The following AMBRA1 variants were observed in gnomAD, a reference collection of about 807,000 sequenced individuals.
AMBRA1 encodes autophagy and beclin 1 regulator 1, also known as activating molecule in BECN1-regulated autophagy protein 1.
In AMBRA1, 47 loss-of-function variants were observed where a neutral mutation model predicts 125.4. The ratio of observed to expected loss-of-function variants is 0.37; its 90% CI spans 0.30 to 0.48. The LOEUF (loss-of-function observed/expected upper bound fraction) is 0.48. Ranked by LOEUF, AMBRA1 falls within the 20% of genes least tolerant of loss-of-function variation. The pLI, the probability that AMBRA1 is intolerant of heterozygous loss-of-function variation, is 0.99. For synonymous variants in AMBRA1, 626 were observed against 655.5 expected, an observed-to-expected ratio of 0.95 and a Z score of 0.69; for missense variants, 1,331 against 1,693.4, an observed-to-expected ratio of 0.79 and a Z score of 3.76.
intron 7 of AMBRA1, among the ~76,000 whole-genome samples, chr11:46,531,571 C>G (rs1376798866): frequency 1.3e-5 from 2 of 151,926 alleles, no homozygotes; most frequent in East Asian, 3.9e-4. Context: ...TTAGCCAGGC[C>G]TGGTGGTGGG....
At chr11:46,485,402 A>G (rs1409288855) in intron 11 of AMBRA1, among the ~76,000 whole-genome samples, 1 of 152,232 alleles carries the variant, frequency 6.6e-6, no homozygotes, top group Non-Finnish European at 1.5e-5. Context: ...TGTACGAAAG[A>G]CAAACTGGAC....
At chr11:46,485,998 A>C (rs1198005256) in intron 11 of AMBRA1, among the ~76,000 whole-genome samples, 2 of 152,220 alleles carry the variant, frequency 1.3e-5, no homozygotes, top group African/African-American at 2.4e-5. Flanking sequence ...GGGAAGGCTG[A>C]GTTCTCTGGG....
chr11:46,568,146 T>C (rs2043604109), intron 1 of AMBRA1, among the ~76,000 whole-genome samples: 2 of 149,770 alleles, frequency 1.3e-5, no homozygotes, highest in Non-Finnish European at 3.0e-5. Context: ...AGACTCTGTC[T>C]TAAAAAAATA....
chr11:46,583,732 G>A (rs149747817), intron 1 of AMBRA1, among the ~76,000 whole-genome samples: 1 of 146,822 alleles, frequency 6.8e-6, no homozygotes, highest in Admixed American at 6.9e-5. Context: ...AGACACTTCT[G>A]AAAAGAAGAC....
intron 1 of AMBRA1, among the ~76,000 whole-genome samples, chr11:46,587,276 A>C (rs991185181): frequency 5.9e-5 from 9 of 152,122 alleles, no homozygotes; most frequent in Non-Finnish European, 1.2e-4. Context: ...GCTACTCGGG[A>C]GGCTGAGGCA....
intron 7 of AMBRA1, among the ~76,000 whole-genome samples, chr11:46,525,977 G>T (rs565666786): frequency 1.3e-5 from 2 of 151,610 alleles, no homozygotes; most frequent in Non-Finnish European, 2.9e-5. Context: ...AGGTCAAGGC[G>T]GACAGATCAC....
rs1157368065 is a variant in AMBRA1 at position 46,585,665 on chromosome 11, C to CAAA, written c.-121+8160_-121+8162dup. On this transcript the variant is annotated intron_variant, in intron 1 of 17. Coordinates refer to ENST00000683756, the MANE Select transcript of AMBRA1 (RefSeq NM_001387011.1). The stretch of plus-strand genomic sequence containing the variant: ...TGGGTGACAGAGCAAGACTCCATCT[C>CAAA]AAAAAAAAAAAAAAAAAAAAAAAAA... Among the ~76,000 whole-genome samples the CAAA allele has an allele frequency of 2.5e-3, 19 of 7,600 alleles. 3 individuals are homozygous for CAAA. The highest frequency in any genetic ancestry group is 2.7e-3 in the Non-Finnish European group (13 of 4,770). The allele number at this position is 7,600 out of a possible 152,430, so 5.0% of individuals were successfully genotyped here.
chr11:46,494,774 T>C (rs1176968898), intron 9 of AMBRA1: 2 of 152,890 alleles, frequency 1.3e-5, no homozygotes, highest in East Asian at 1.9e-4. Context: ...AGACTGTCAA[T>C]GGTGAAGAAT....
chr11:46,434,808 C>G, intron 13 of AMBRA1, 41 bp downstream of exon 13: 1 of 1,534,560 alleles, frequency 6.5e-7, no homozygotes, highest in Non-Finnish European at 8.8e-7. Context: ...GCCAAGGCAC[C>G]AGCGTCCCTC....
chr11:46,457,165 C>T (rs1196883918), intron 11 of AMBRA1, among the ~76,000 whole-genome samples: 1 of 152,174 alleles, frequency 6.6e-6, no homozygotes, highest in Non-Finnish European at 1.5e-5. Context: ...CAGGCCTGCT[C>T]CCAGCGAAGA....
At chr11:46,513,157 C>CA in intron 7 of AMBRA1, among the ~76,000 whole-genome samples, 1 of 152,284 alleles carries the variant, frequency 6.6e-6, no homozygotes, top group South Asian at 2.1e-4. Flanking sequence ...TAGGCACACA[C>CA]AGAGATTATC....
At chr11:46,440,079 C>T (rs1290799105) in intron 12 of AMBRA1, among the ~76,000 whole-genome samples, 1 of 152,122 alleles carries the variant, frequency 6.6e-6, no homozygotes, top group Non-Finnish European at 1.5e-5. Context: ...ACTCTTCCCC[C>T]CTGCAATTCC....
chr11:46,401,160 C>G (rs557092496), intron 17 of AMBRA1, among the ~76,000 whole-genome samples: 4 of 152,180 alleles, frequency 2.6e-5, no homozygotes, highest in African/African-American at 9.7e-5. Flanking sequence ...CTGAAGCCCT[C>G]GCAGCATGGT....
At chr11:46,476,226 T>C (rs1391890549) in intron 11 of AMBRA1, among the ~76,000 whole-genome samples, 1 of 152,204 alleles carries the variant, frequency 6.6e-6, no homozygotes, top group Non-Finnish European at 1.5e-5. Context: ...CCAAATCCCA[T>C]GGCCAATTTC....
chr11:46,526,022 A>T (rs973022852), intron 7 of AMBRA1, among the ~76,000 whole-genome samples: 1 of 152,040 alleles, frequency 6.6e-6, no homozygotes, highest in African/African-American at 2.4e-5. Context: ...CCTGACCAAC[A>T]TGGAGAAACC....
chr11:46,431,445 G>A (rs1192224082), intron 14 of AMBRA1, among the ~76,000 whole-genome samples: 1 of 152,190 alleles, frequency 6.6e-6, no homozygotes, highest in Non-Finnish European at 1.5e-5. Context: ...AGCCCCATAT[G>A]TGACAACAGA....
chr11:46,519,769 T>C (rs1003377038), intron 7 of AMBRA1, among the ~76,000 whole-genome samples: 1 of 152,216 alleles, frequency 6.6e-6, no homozygotes, highest in Non-Finnish European at 1.5e-5. Context: ...CAGCCAAATT[T>C]CTCATTCCTT....
At chr11:46,567,008 C>T (rs534607382) in intron 1 of AMBRA1, among the ~76,000 whole-genome samples, 1 of 152,182 alleles carries the variant, frequency 6.6e-6, no homozygotes, top group African/African-American at 2.4e-5. Flanking sequence ...AGAGTGAGCC[C>T]TGTCTCAAGA....
rs1029128039 is a variant in AMBRA1 at position 46,476,634 on chromosome 11, A to G, written c.2521+16974T>C. ...AACAATTTACTCCAGCTTTGCACTGATATTTTCAGTTTTAATTAGTTTGCA... is the reference window on the plus strand; with the variant it reads ...AACAATTTACTCCAGCTTTGCACTGGTATTTTCAGTTTTAATTAGTTTGCA... On this transcript the variant is annotated intron_variant, in intron 11 of 17. Coordinates refer to ENST00000683756, the MANE Select transcript of AMBRA1 (RefSeq NM_001387011.1). Among the ~76,000 whole-genome samples the G allele has an allele frequency of 4.6e-5, 7 of 152,264 alleles. No individual in the cohort carries two copies. The East Asian group carries it at 1.2e-3, about 25-fold the overall frequency.
Sources: allele counts gnomAD v4.1 joint callset (sites outside exome capture counted in the v4.1 genomes callset), GRCh38; gene constraint gnomAD v4.1.1; transcripts MANE v1.5; gene names NCBI Gene and HGNC (gene_info 2026-07-23, HGNC 2026-07-21).